Variants in SMAD4 observed in about 807,000 individuals in gnomAD.
SMAD4 encodes the protein SMAD family member 4.
SMAD4 carries 7 observed loss-of-function variants against 63.2 expected under a neutral mutation model. The ratio of observed to expected loss-of-function variants is 0.11; its 90% CI spans 0.06 to 0.21. SMAD4 has a LOEUF of 0.21. Ranked by LOEUF, SMAD4 falls within the 10% of genes least tolerant of loss-of-function variation. The pLI is 1.00. For synonymous variants in SMAD4, 215 were observed against 235.4 expected, an observed-to-expected ratio of 0.91 and a Z score of 0.79; for missense variants, 312 against 693.8, an observed-to-expected ratio of 0.45 and a Z score of 6.18.
chr18:51,045,545 TTTTAA>T (rs1202385013), intron 1 of SMAD4, among the ~76,000 whole-genome samples: 1 of 150,306 alleles, frequency 6.7e-6, no homozygotes, highest in Admixed American at 6.6e-5. Flanking sequence ...GTTTTTGTTA[TTTTAA>T]TTTTTTTGAA....
At chr18:51,070,756 T>C (rs2144461060) in intron 10 of SMAD4, among the ~76,000 whole-genome samples, 1 of 152,284 alleles carries the variant, frequency 6.6e-6, no homozygotes, top group South Asian at 2.1e-4. Flanking sequence ...GCTGTCTACA[T>C]TACCCACCCA....
At chr18:51,048,155 ATTTAT>A (rs1198383174) in intron 2 of SMAD4, among the ~76,000 whole-genome samples, 1 of 151,998 alleles carries the variant, frequency 6.6e-6, no homozygotes, top group Non-Finnish European at 1.5e-5. Context: ...TTGCATATTT[ATTTAT>A]TTTATTTTAT....
chr18:51,065,746 G>T, intron 9 of SMAD4, 140 bp downstream of exon 9: 1 of 634,528 alleles, frequency 1.6e-6, no homozygotes, highest in South Asian at 2.5e-5. Context: ...TGAAAACTCA[G>T]AATTTGTAAG....
At position 51,078,803 on chromosome 18, in the gene SMAD4, A is replaced by G. The variant is rs1398229616; in HGVS notation, c.*336A>G. Reference sequence around the variant, plus strand: ...AGAGCCTTTTATCTGCAGAACATCGATATGTATATCATTCTACAGAATAAT... The same window carrying G: ...AGAGCCTTTTATCTGCAGAACATCGGTATGTATATCATTCTACAGAATAAT... On this transcript the variant is annotated 3_prime_UTR_variant, in exon 12 of 12. Coordinates refer to ENST00000342988, the MANE Select transcript of SMAD4 (RefSeq NM_005359.6). The G allele has an allele frequency of 1.8e-5, 6 of 326,048 alleles. No homozygotes were observed. The South Asian group carries it at 3.5e-4, about 19-fold the overall frequency. The allele number at this position is 326,048 out of a possible 1,614,324, so 20.2% of individuals were successfully genotyped here.
chr18:51,032,765 G>C (rs1383264483), intron 1 of SMAD4, among the ~76,000 whole-genome samples: 1 of 152,086 alleles, frequency 6.6e-6, no homozygotes, highest in Non-Finnish European at 1.5e-5. Flanking sequence ...GCCTCTGCTA[G>C]GGAGGTTAAC....
rs2144428659 is a variant in SMAD4, at chr18:51,058,373, C to T, written c.821C>T (p.Ala274Val). 2 of 1,614,138 alleles carry T rather than the reference C, an allele frequency of 1.2e-6. No homozygotes were observed. Among genetic ancestry groups the T allele is most frequent in the Middle Eastern group, 1.6e-4 (1 of 6,062 alleles). Residue 274 changes from alanine (A) to valine (V), a missense_variant, in exon 7 of 12, where the codon GCA becomes GTA. Around this residue, in one of 4 missense-constraint regions of SMAD4, gnomAD observed 169 missense variants for 211.0 expected, o/e 0.80. Coordinates refer to ENST00000342988, the MANE Select transcript of SMAD4 (RefSeq NM_005359.6). Reference protein sequence around the residue: ...STTTWTGSRTAPYTPNLPHHQ... With the variant: ...STTTWTGSRTVPYTPNLPHHQ... The stretch of plus-strand genomic sequence containing the variant: ...ACCACCTGGACTGGAAGTAGGACTG[C>T]ACCATACACACCTAATTTGCCTCAC...
In SMAD4 at chr18:51,059,801, T is replaced by C. The variant is rs181530338; in HGVS notation, c.905-65T>C. On this transcript the variant is annotated intron_variant, in intron 7 of 11. Coordinates refer to ENST00000342988, the MANE Select transcript of SMAD4 (RefSeq NM_005359.6). ...ATAGTTATATTTAAGTAAGATTTAC[T>C]GAAAGTTTTAGCATTAGACAACTTT... is the stretch of plus-strand genomic sequence containing the variant. The C allele has an allele frequency of 5.0e-6, 6 of 1,192,318 alleles. No individual in the cohort carries two copies. In the African/African-American group the frequency reaches 9.0e-5, roughly 18 times the overall value. The allele number at this position is 1,192,318 out of a possible 1,614,324, so 73.9% of individuals were successfully genotyped here. A position where few individuals can be genotyped will look rare whatever the true frequency, so the allele number is the denominator to read the frequency against.
At chr18:51,063,793 A>G (rs1323119787) in intron 8 of SMAD4, among the ~76,000 whole-genome samples, 1 of 152,216 alleles carries the variant, frequency 6.6e-6, no homozygotes, top group Non-Finnish European at 1.5e-5. Context: ...ACTGGTTTTT[A>G]TGTTCTAAGC....
In SMAD4 at chr18:51,083,549, C is replaced by T. The variant is rs966658294; in HGVS notation, c.*5082C>T. The T allele has an allele frequency of 4.0e-5, 9 of 226,984 alleles. No homozygotes were observed. Among genetic ancestry groups the T allele is most frequent in the Non-Finnish European group, 7.0e-5 (8 of 114,362 alleles). The allele number at this position is 226,984 out of a possible 1,614,324, so 14.1% of individuals were successfully genotyped here. A position where few individuals can be genotyped will look rare whatever the true frequency, so the allele number is the denominator to read the frequency against. On this transcript the variant is annotated 3_prime_UTR_variant, in exon 12 of 12. Transcript: ENST00000342988. ...CTGTTGATGTGGATACTTTTCACAC[C>T]GTTTATTTAAATGCTTTCTCAATAG...
intron 10 of SMAD4, among the ~76,000 whole-genome samples, chr18:51,073,508 C>A (rs1349840872): frequency 6.7e-6 from 1 of 149,388 alleles, no homozygotes; most frequent in Non-Finnish European, 1.5e-5. Flanking sequence ...TATAAAACTT[C>A]TAGAAGATAA....
At chr18:51,072,057 A>G (rs563767643) in intron 10 of SMAD4, among the ~76,000 whole-genome samples, 17 of 152,316 alleles carry the variant, frequency 1.1e-4, no homozygotes, top group Admixed American at 1.3e-4. Context: ...GGATACTGCT[A>G]TGAACATTTG....
rs193237226 is a variant in SMAD4, at chr18:51,058,593, T to G, written c.904+137T>G. ...TCATTAAATAGTGCTTTTCAGTATT[T>G]TTTGTAAACAGTATTATTTTTCATA... On this transcript the variant is annotated intron_variant, in intron 7 of 11. Coordinates refer to ENST00000342988, the MANE Select transcript of SMAD4 (RefSeq NM_005359.6). The G allele has an allele frequency of 1.9e-3, 1,316 of 692,502 alleles. 13 individuals carry two copies. In the African/African-American group the frequency reaches 0.022, roughly 11 times the overall value. The allele number at this position is 692,502 out of a possible 1,614,324, so 42.9% of individuals were successfully genotyped here. A position where few individuals can be genotyped will look rare whatever the true frequency, so the allele number is the denominator to read the frequency against.
rs557367090 is a variant in SMAD4 at position 51,083,468 on chromosome 18, T to C, written c.*5001T>C. 4.4e-6 allele frequency: 1 copy of C among 229,486 alleles called. No individual in the cohort carries two copies. Among genetic ancestry groups the C allele is most frequent in the South Asian group, 1.8e-4 (1 of 5,492 alleles). 14.2% of individuals were successfully genotyped at this position (229,486 alleles called of 1,614,324 possible). On this transcript the variant is annotated 3_prime_UTR_variant, in exon 12 of 12. Transcript: ENST00000342988. ...TTTGTCCTTTTTTTTTCTGTTTTTT[T>C]TTTTCTAATGTAGTAAGGACTAAGG...
intron 1 of SMAD4, among the ~76,000 whole-genome samples, chr18:51,033,186 A>AC (rs74178609): frequency 2.6e-5 from 3 of 117,318 alleles, no homozygotes; most frequent in Non-Finnish European, 5.2e-5. Flanking sequence ...ATAACACAGC[A>AC]TTTTTTTTTT....
At chr18:51,051,613 T>A (rs1909715241) in intron 4 of SMAD4, among the ~76,000 whole-genome samples, 1 of 152,130 alleles carries the variant, frequency 6.6e-6, no homozygotes, top group African/African-American at 2.4e-5. Context: ...GATAATAAGG[T>A]ATGTTTTGTC....
At chr18:51,033,537 T>C (rs1055994536) in intron 1 of SMAD4, among the ~76,000 whole-genome samples, 1 of 152,226 alleles carries the variant, frequency 6.6e-6, no homozygotes, top group Non-Finnish European at 1.5e-5. Context: ...ATTTTGGGCT[T>C]TTTGTTCAAC....
chr18:51,033,107 A>G (rs2034152018), intron 1 of SMAD4, among the ~76,000 whole-genome samples: 1 of 152,032 alleles, frequency 6.6e-6, no homozygotes, highest in African/African-American at 2.4e-5. Flanking sequence ...GGTGACCATT[A>G]ATCGCGTATA....
At chr18:51,061,094 C>T (rs1030199680) in intron 8 of SMAD4, among the ~76,000 whole-genome samples, 1 of 151,844 alleles carries the variant, frequency 6.6e-6, no homozygotes, top group Non-Finnish European at 1.5e-5. Flanking sequence ...TTTGTGGGTA[C>T]ATAGGAGATG....
chr18:51,038,252 G>T (rs903343528), intron 1 of SMAD4, among the ~76,000 whole-genome samples: 3 of 71,634 alleles, frequency 4.2e-5, no homozygotes, highest in East Asian at 3.0e-4. Context: ...GCGAGACTGT[G>T]GGGGGGGGGG....
Sources: allele counts gnomAD v4.1 joint callset (sites outside exome capture counted in the v4.1 genomes callset), GRCh38; gene constraint gnomAD v4.1.1; regional missense constraint gnomAD v4.1.1; transcripts MANE v1.5; gene names NCBI Gene and HGNC (gene_info 2026-07-23, HGNC 2026-07-21).